SLC38A10: variants seen among roughly 807,000 people sequenced by gnomAD.
The protein encoded by SLC38A10 is solute carrier family 38 member 10.
SLC38A10 carries 53 observed loss-of-function variants against 81.0 expected under a neutral mutation model. The ratio of observed to expected loss-of-function variants is 0.65; its 90% CI spans 0.53 to 0.82. SLC38A10 has a LOEUF of 0.82. Among genes scored for constraint, SLC38A10 ranks in the 40% least tolerant of loss-of-function variants. The pLI is 0.00. For missense variants in SLC38A10, 1,471 were observed against 1,545.0 expected (o/e 0.95, Z 0.80); for synonymous variants, 665 against 655.3 (o/e 1.01, Z -0.23).
Position 81,262,344 on chromosome 17 carries a change from C to T in SLC38A10, c.1132-1950G>A, listed in dbSNP as rs1432751015. Reference sequence around the variant, plus strand: ...CTCGGGCTACCTGGGGTAAAGGGTCCGGATGGAAATTCAACCCGACCCACC... The same window carrying T: ...CTCGGGCTACCTGGGGTAAAGGGTCTGGATGGAAATTCAACCCGACCCACC... On this transcript the variant is annotated intron_variant, in intron 10 of 15. Transcript: ENST00000374759. 4.6e-5 allele frequency among the ~76,000 whole-genome samples: 7 copies of T among 152,166 alleles called. No individual in the cohort carries two copies. The East Asian group carries it at 7.7e-4, about 17-fold the overall frequency.
chr17:81,251,262 G>C lies in SLC38A10; in HGVS notation c.2065+231C>G, dbSNP rs557587675. On this transcript the variant is annotated intron_variant, in intron 14 of 15. Coordinates refer to ENST00000374759, the MANE Select transcript of SLC38A10 (RefSeq NM_001037984.3). ...AAACGGTAATCACAAGCCATGTGAC[G>C]ATGCCGCAGGTGTTTAAAGGGGAGT... The C allele has an allele frequency of 9.5e-6, 14 of 1,471,670 alleles. No individual in the cohort carries two copies. The East Asian group carries it at 3.1e-4, about 33-fold the overall frequency. The allele number at this position is 1,471,670 out of a possible 1,614,324, so 91.2% of individuals were successfully genotyped here.
Position 81,265,029 on chromosome 17 carries a change from CA to C in SLC38A10, c.1132-4636del, listed in dbSNP as rs1049618204. ...CCTCATGGTTCCAGGGCAGCAGGAC[CA>C]AAGCCCCAGCCTCACTCAGGACTGG... is the stretch of plus-strand genomic sequence containing the variant. On this transcript the variant is annotated intron_variant, in intron 10 of 15. Coordinates refer to ENST00000374759, the MANE Select transcript of SLC38A10 (RefSeq NM_001037984.3). This position sits in a 1 kb window ranked among gnomAD's most constrained non-coding sequence, Gnocchi z 4.2. 4 of 152,280 alleles carry C rather than the reference CA, an allele frequency of 2.6e-5. No homozygotes were observed. The highest frequency in any genetic ancestry group is 7.2e-5 in the African/African-American group (3 of 41,450). 9.4% of individuals were successfully genotyped at this position (152,280 alleles called of 1,614,324 possible). A position where few individuals can be genotyped will look rare whatever the true frequency, so the allele number is the denominator to read the frequency against.
At position 81,246,290 on chromosome 17, in the gene SLC38A10, C is replaced by T. The variant is rs1210672356; in HGVS notation, c.2626G>A (p.Glu876Lys). The T allele has an allele frequency of 2.5e-6, 4 of 1,611,820 alleles. No individual in the cohort carries two copies. Among genetic ancestry groups the T allele is most frequent in the Admixed American group, 3.3e-5 (2 of 60,006 alleles). ...EAGGPEERLAEEFPGQSQDVT... is the reference protein window; with the variant it reads ...EAGGPEERLAKEFPGQSQDVT... ...TCCTGACTTTGCCCAGGGAATTCCT[C>T]TGCGAGGCGCTCCTCTGGGCCCCCG... The change falls in exon 16 of 16, where the codon GAG (glutamate) becomes AAG (lysine). Residue 876 changes from glutamate to lysine, a missense_variant. Glu to Lys is a moderately conservative substitution (Grantham distance 56). Transcript: ENST00000374759.
chr17:81,260,285 A>C lies in SLC38A10; in HGVS notation c.1241T>G (p.Leu414Arg). 6.2e-7 allele frequency: 1 copy of C among 1,606,492 alleles called. No individual in the cohort carries two copies. The highest frequency in any genetic ancestry group is 8.5e-7 in the Non-Finnish European group (1 of 1,177,484). ...CTTCATCAAACCCTCGGCCTCTCCA[A>C]GCCGGCCGCCAGGGGCTTCCTCTGC... ...DLAEEAPGGR[L>R]GEAEGLMKVE... Residue 414 changes from leucine (L) to arginine (R), a missense_variant, in exon 11 of 16, where the codon CTT (leucine) becomes CGT (arginine). Around this residue, in one of 2 missense-constraint regions of SLC38A10, gnomAD observed 720 missense variants for 827.7 expected, o/e 0.87. Transcript: ENST00000374759.
At chr17:81,248,925 C>T (rs936175515) in intron 14 of SLC38A10, among the ~76,000 whole-genome samples, 1 of 152,254 alleles carries the variant, frequency 6.6e-6, no homozygotes, top group Non-Finnish European at 1.5e-5. Context: ...CCATGACGGG[C>T]AGAGCAGGTC....
At chr17:81,249,599 G>C (rs967514510) in intron 14 of SLC38A10, among the ~76,000 whole-genome samples, 1 of 151,804 alleles carries the variant, frequency 6.6e-6, no homozygotes, top group Non-Finnish European at 1.5e-5. Flanking sequence ...CAGAAGCCAC[G>C]TGGGACACAT....
At chr17:81,292,254 G>A (rs140065931) in intron 1 of SLC38A10, among the ~76,000 whole-genome samples, 1 of 152,150 alleles carries the variant, frequency 6.6e-6, no homozygotes, top group African/African-American at 2.4e-5. Flanking sequence ...AGACTCCCTA[G>A]TAGCTGGGAC....
rs760367168 is a variant in SLC38A10, at chr17:81,245,603, G to A, written c.3313C>T (p.His1105Tyr). The A allele has an allele frequency of 3.1e-6, 5 of 1,611,916 alleles. No individual in the cohort carries two copies. The Admixed American group carries it at 6.7e-5, about 22-fold the overall frequency. The change falls in exon 16 of 16, where the codon CAC becomes TAC. Residue 1105 changes from histidine to tyrosine, a missense_variant. Transcript: ENST00000374759. ...GGCGCCTGTCTAAGCTGCCGGCTGT[G>A]GACCACCTGCAGAGCTCCCCCCGCA... ...QAAGGALQVV[H>Y]SRQLRQAPGP...
chr17:81,283,617 C>CT lies in SLC38A10; in HGVS notation c.264-116dup, dbSNP rs111438281. ...GAATGACAGATGTGATTTCTTTTTT[C>CT]TTTTTTTTTTTTTTGAAACAGAGTC... On this transcript the variant is annotated intron_variant, in intron 3 of 15. Coordinates refer to ENST00000374759, the MANE Select transcript of SLC38A10 (RefSeq NM_001037984.3). The surrounding 1 kb of genome is among the most constrained non-coding windows in gnomAD (Gnocchi z 4.7). 0.19 allele frequency: 97,427 copies of CT among 509,884 alleles called. 3,241 individuals carry two copies. The highest frequency in any genetic ancestry group is 0.22 in the African/African-American group (10,672 of 48,320). 31.6% of individuals were successfully genotyped at this position (509,884 alleles called of 1,614,324 possible).
In SLC38A10 at chr17:81,251,153, TAACA is replaced by T. The variant is rs2062906856; in HGVS notation, c.2065+336_2065+339del. On this transcript the variant is annotated intron_variant, in intron 14 of 15. Transcript: ENST00000374759. ...TAAATACTCCGAGTGTTAAAACTGT[TAACA>T]AACCTGCTTTAAAGACGAAATGGTA... is the stretch of plus-strand genomic sequence containing the variant. 14 of 1,522,606 alleles carry T rather than the reference TAACA, an allele frequency of 9.2e-6. No homozygotes were observed. In the Middle Eastern group the frequency reaches 1.1e-3, roughly 116 times the overall value. The allele number at this position is 1,522,606 out of a possible 1,614,324, so 94.3% of individuals were successfully genotyped here. A position where few individuals can be genotyped will look rare whatever the true frequency, so the allele number is the denominator to read the frequency against.
At chr17:81,264,806 A>G (rs1175118666) in intron 10 of SLC38A10, 2 of 152,136 alleles carry the variant, frequency 1.3e-5, no homozygotes, top group African/African-American at 4.8e-5. Context: ...TCTGGTTACA[A>G]GCAGATGCCC....
In SLC38A10 at chr17:81,253,741, ACCATCACCATCATCATCACCG is replaced by A. The variant is rs2062943924; in HGVS notation, c.1289-522_1289-502del. On this transcript the variant is annotated intron_variant, in intron 11 of 15. Transcript: ENST00000374759. This position sits in a 1 kb window ranked among gnomAD's most constrained non-coding sequence, Gnocchi z 4.1. ...CATCATCACCATCTCCATCCCTACCACCATCACCATCATCATCACCGTCACCATCATCACCATCTCCATCCC... is the reference window on the plus strand; with the variant it reads ...CATCATCACCATCTCCATCCCTACCATCACCATCATCACCATCTCCATCCC... Among the ~76,000 whole-genome samples, 2 of 92,418 alleles carry A rather than the reference ACCATCACCATCATCATCACCG, an allele frequency of 2.2e-5. No homozygotes were observed. The highest frequency in any genetic ancestry group is 2.1e-4 in the East Asian group (1 of 4,794). The allele number at this position is 92,418 out of a possible 152,430, so 60.6% of individuals were successfully genotyped here. A position where few individuals can be genotyped will look rare whatever the true frequency, so the allele number is the denominator to read the frequency against.
In SLC38A10 at chr17:81,253,601, CCACCAT is replaced by C. The variant is rs918249724; in HGVS notation, c.1289-367_1289-362del. 3.3e-5 allele frequency among the ~76,000 whole-genome samples: 5 copies of C among 151,868 alleles called. No homozygotes were observed. Among genetic ancestry groups the C allele is most frequent in the Non-Finnish European group, 4.4e-5 (3 of 67,974 alleles). Reference sequence around the variant, plus strand: ...ATCACCGTCACCTCCACCACCACCACCACCATCACCGCTATCATCACCATCATCTCC... The same window carrying C: ...ATCACCGTCACCTCCACCACCACCACCACCGCTATCATCACCATCATCTCC... On this transcript the variant is annotated intron_variant, in intron 11 of 15. Transcript: ENST00000374759. The surrounding 1 kb of genome is among the most constrained non-coding windows in gnomAD (Gnocchi z 4.1).
intron 10 of SLC38A10, among the ~76,000 whole-genome samples, chr17:81,269,758 G>T (rs1243347120): frequency 6.6e-6 from 1 of 152,096 alleles, no homozygotes; most frequent in Non-Finnish European, 1.5e-5. Context: ...GTGGAGGCGG[G>T]TGGATCACCT....
chr17:81,285,470 T>C (rs2063256611), intron 2 of SLC38A10: 1 of 152,266 alleles, frequency 6.6e-6, no homozygotes, highest in Non-Finnish European at 1.5e-5. Context: ...GGACAGCTAA[T>C]GAGGAGCCTT....
chr17:81,249,489 A>AGGGAGAAGGAGG (rs2062889705), intron 14 of SLC38A10, among the ~76,000 whole-genome samples: 3 of 100 alleles, frequency 0.03, no homozygotes, highest in African/African-American at 0.079. Context: ...GGAGGAGAGA[A>AGGGAGAAGGAGG]GAGGAGGGAG....
intron 10 of SLC38A10, among the ~76,000 whole-genome samples, chr17:81,267,463 C>T (rs1324109633): frequency 6.6e-6 from 1 of 151,938 alleles, no homozygotes; most frequent in African/African-American, 2.4e-5. Flanking sequence ...ATGACTCTTT[C>T]TTTCCTTCCT....
In SLC38A10 at chr17:81,251,486, G is replaced by A. The variant is rs1285968246; in HGVS notation, c.2065+7C>T. The A allele has an allele frequency of 3.1e-6, 5 of 1,603,392 alleles. No individual in the cohort carries two copies. The Admixed American group carries it at 8.6e-5, about 27-fold the overall frequency. ...TGAGGCAGGCGGCTGTAGGGCGGAG[G>A]CCTTACCCTCCAGCTGGCTGGCCGC... On this transcript the variant is annotated splice_region_variant and intron_variant, in intron 14 of 15. Coordinates refer to ENST00000374759, the MANE Select transcript of SLC38A10 (RefSeq NM_001037984.3).
At chr17:81,259,756 CG>C (rs1291451557) in intron 11 of SLC38A10, among the ~76,000 whole-genome samples, 2 of 152,218 alleles carry the variant, frequency 1.3e-5, no homozygotes, top group Admixed American at 6.5e-5. Context: ...CCTCCTGAAG[CG>C]GCCTGCAGCT....
Sources: allele counts gnomAD v4.1 joint callset (sites outside exome capture counted in the v4.1 genomes callset), GRCh38; gene constraint gnomAD v4.1.1; regional missense constraint gnomAD v4.1.1; non-coding constraint Gnocchi (gnomAD v3.1); transcripts MANE v1.5; gene names NCBI Gene and HGNC (gene_info 2026-07-23, HGNC 2026-07-21).